Variants in GRIK2 observed in about 807,000 individuals in gnomAD.
The protein encoded by GRIK2 is glutamate receptor ionotropic, kainate 2.
A neutral mutation model predicts 100.3 loss-of-function variants in GRIK2; 32 were observed. That is an observed-to-expected ratio of 0.32 (90% CI 0.24 to 0.43). GRIK2 has a LOEUF of 0.43. GRIK2 is among the 20% of genes least tolerant of loss of function. The pLI is 1.00. For missense variants in GRIK2, 843 were observed against 1,114.9 expected, an observed-to-expected ratio of 0.76 and a Z score of 3.47; for synonymous variants, 417 against 389.4, an observed-to-expected ratio of 1.07 and a Z score of -0.83.
At chr6:101,816,858 C>T (rs111983882) in intron 9 of GRIK2, among the ~76,000 whole-genome samples, 3,898 of 152,246 alleles carry the variant, frequency 0.026, 176 homozygotes, top group African/African-American at 0.088. Context: ...AAAGCACCTG[C>T]TCTGGGAACA....
At chr6:101,790,463 A>T (rs899603719) in intron 7 of GRIK2, among the ~76,000 whole-genome samples, 2 of 151,498 alleles carry the variant, frequency 1.3e-5, no homozygotes, top group African/African-American at 4.9e-5. Flanking sequence ...TATTGAGATA[A>T]TCATGTGGTT....
At chr6:101,788,982 T>G (rs945371591) in intron 7 of GRIK2, among the ~76,000 whole-genome samples, 2 of 151,484 alleles carry the variant, frequency 1.3e-5, no homozygotes, top group Non-Finnish European at 2.9e-5. Context: ...CTTTTTTTCA[T>G]GTGTCTTTTG....
intron 10 of GRIK2, among the ~76,000 whole-genome samples, chr6:101,820,707 G>A (rs940488492): frequency 6.6e-6 from 1 of 152,104 alleles, no homozygotes; most frequent in African/African-American, 2.4e-5. Flanking sequence ...CTCCCAAAGT[G>A]TTCGGATTAT....
intron 14 of GRIK2, among the ~76,000 whole-genome samples, chr6:101,942,424 G>T (rs1342782039): frequency 2.0e-5 from 3 of 152,178 alleles, no homozygotes; most frequent in Non-Finnish European, 4.4e-5. Context: ...GAACAATTCT[G>T]AGGGCTCAGA....
intron 14 of GRIK2, among the ~76,000 whole-genome samples, chr6:101,932,585 T>A (rs994235894): frequency 1.5e-4 from 23 of 151,920 alleles, no homozygotes; most frequent in African/African-American, 5.6e-4. Flanking sequence ...TTTGAAGTTT[T>A]TTTTTTTTAA....
chr6:101,415,278 C>T (rs186536263), intron 2 of GRIK2, among the ~76,000 whole-genome samples: 18 of 150,758 alleles, frequency 1.2e-4, no homozygotes, highest in Non-Finnish European at 2.2e-4. Context: ...TATATTTATC[C>T]TTGATCTTAC....
At chr6:101,810,999 A>C (rs765238059) in intron 9 of GRIK2, among the ~76,000 whole-genome samples, 14 of 152,124 alleles carry the variant, frequency 9.2e-5, no homozygotes, top group Non-Finnish European at 1.8e-4. Flanking sequence ...GTAAATCAGC[A>C]TTTAATATAA....
At chr6:101,785,419 G>T (rs961726000) in intron 7 of GRIK2, among the ~76,000 whole-genome samples, 1 of 152,046 alleles carries the variant, frequency 6.6e-6, no homozygotes, top group Admixed American at 6.6e-5. Context: ...GTGTTAGTCT[G>T]TGTTTCCTTC....
chr6:101,882,595 A>C lies in GRIK2; in HGVS notation c.1525-7045A>C, dbSNP rs180677961. Among the ~76,000 whole-genome samples, 57 of 152,092 alleles carry C rather than the reference A, an allele frequency of 3.7e-4. No homozygotes were observed. The East Asian group carries it at 0.01, about 28-fold the overall frequency. On this transcript the variant is annotated intron_variant, in intron 11 of 16. Transcript: ENST00000369134. ...TTAAATGATTTCCTATTCATGCCCTACAAGTGTGAGGGAAATCTCTGAATT... is the reference window on the plus strand; with the variant it reads ...TTAAATGATTTCCTATTCATGCCCTCCAAGTGTGAGGGAAATCTCTGAATT...
chr6:101,855,672 T>C (rs540181687), intron 10 of GRIK2, among the ~76,000 whole-genome samples: 1 of 152,264 alleles, frequency 6.6e-6, no homozygotes, highest in East Asian at 1.9e-4. Context: ...AGAAGCTAAG[T>C]TCAAAGAGAA....
chr6:101,938,355 A>G (rs1790737803), intron 14 of GRIK2, among the ~76,000 whole-genome samples: 1 of 152,230 alleles, frequency 6.6e-6, no homozygotes, highest in African/African-American at 2.4e-5. Context: ...TTTATTTTAC[A>G]TTCTTCCCCT....
chr6:101,395,405 G>A (rs1774962478), intron 1 of GRIK2, among the ~76,000 whole-genome samples: 1 of 152,218 alleles, frequency 6.6e-6, no homozygotes, highest in East Asian at 1.9e-4. Flanking sequence ...GCTATGGCAT[G>A]TAAGAACCTT....
Position 102,035,614 on chromosome 6 carries a change from C to T in GRIK2, c.2311+48C>T, listed in dbSNP as rs1208707515. 2.6e-6 allele frequency: 3 copies of T among 1,148,696 alleles called. No homozygotes were observed. In the Admixed American group the frequency reaches 5.4e-5, roughly 21 times the overall value. 71.2% of individuals were successfully genotyped at this position (1,148,696 alleles called of 1,614,324 possible). On this transcript the variant is annotated intron_variant, in intron 15 of 16. Coordinates refer to ENST00000369134, the MANE Select transcript of GRIK2 (RefSeq NM_021956.5). ...GTTCTTTGTTCATTAATCTGAGTTGCTGTAAGACAGGGGAAAAATAGTGTG... is the reference window on the plus strand; with the variant it reads ...GTTCTTTGTTCATTAATCTGAGTTGTTGTAAGACAGGGGAAAAATAGTGTG...
At chr6:101,836,034 A>C (rs986734163) in intron 10 of GRIK2, among the ~76,000 whole-genome samples, 5 of 151,082 alleles carry the variant, frequency 3.3e-5, no homozygotes, top group Admixed American at 2.0e-4. Flanking sequence ...TTATATGCCC[A>C]AAAACATTGA....
chr6:101,462,939 A>G (rs934121093), intron 2 of GRIK2, among the ~76,000 whole-genome samples: 3 of 152,214 alleles, frequency 2.0e-5, no homozygotes, highest in African/African-American at 7.2e-5. Context: ...TTATGCTGAG[A>G]AAAATCTTTC....
intron 7 of GRIK2, among the ~76,000 whole-genome samples, chr6:101,753,362 A>G (rs1025813044): frequency 2.6e-5 from 4 of 152,002 alleles, no homozygotes; most frequent in Non-Finnish European, 5.9e-5. Flanking sequence ...TATTCCTATG[A>G]ATATAATAAG....
intron 4 of GRIK2, among the ~76,000 whole-genome samples, chr6:101,646,996 A>G (rs1781555120): frequency 6.6e-6 from 1 of 151,978 alleles, no homozygotes; most frequent in African/African-American, 2.4e-5. Context: ...CAGTCTAAAC[A>G]CTTAGCATGC....
At chr6:101,825,736 T>C (rs577861219) in intron 10 of GRIK2, among the ~76,000 whole-genome samples, 1 of 152,220 alleles carries the variant, frequency 6.6e-6, no homozygotes, top group South Asian at 2.1e-4. Context: ...TTAAGTTTTG[T>C]ATAAAAGAAT....
rs141690992 is a variant in GRIK2, at chr6:101,594,481, A to T, written c.116-27468A>T. Among the ~76,000 whole-genome samples, 556 of 151,992 alleles carry T rather than the reference A, an allele frequency of 3.7e-3. 1 individual carries two copies. The highest frequency in any genetic ancestry group is 6.5e-3 in the Non-Finnish European group (444 of 67,870). On this transcript the variant is annotated intron_variant, in intron 2 of 16. Coordinates refer to ENST00000369134, the MANE Select transcript of GRIK2 (RefSeq NM_021956.5). ...AAGCATAGTTTTTCAAAGAAAGCAC[A>T]ACCATAAAATGGGTTTAAGGCAAGG...
Sources: gnomAD v4.1 joint callset for allele counts (sites outside exome capture counted in the v4.1 genomes callset) on GRCh38, gnomAD v4.1.1 for gene constraint, MANE v1.5 for transcripts, NCBI Gene and HGNC (gene_info 2026-07-23, HGNC 2026-07-21) for gene names.